The following LSAMP variants were observed in gnomAD, a reference collection of about 807,000 sequenced individuals.
LSAMP encodes limbic system associated membrane protein.
Under a neutral mutation model 38.6 loss-of-function variants are expected in LSAMP, and 7 were observed. The observed-to-expected ratio is 0.18, with a 90% CI of 0.10 to 0.34. The LOEUF (loss-of-function observed/expected upper bound fraction) is 0.34, where lower values mean the gene tolerates loss of function less well. Among genes scored for constraint, LSAMP ranks in the 10% least tolerant of loss-of-function variants. LSAMP has a pLI of 1.00. For synonymous variants in LSAMP, 154 were observed against 166.8 expected (o/e 0.92, Z 0.59); for missense variants, 313 against 420.0 (o/e 0.75, Z 2.23).
intron 6 of LSAMP, among the ~76,000 whole-genome samples, chr3:115,839,228 C>CCCTT (rs1407014317): frequency 1.5e-5 from 2 of 131,274 alleles, no homozygotes; most frequent in African/African-American, 2.7e-5. Flanking sequence ...CTCCCTCCCT[C>CCCTT]CCTTCCTTCT....
chr3:116,202,087 C>T (rs564744952), intron 1 of LSAMP, among the ~76,000 whole-genome samples: 2 of 151,824 alleles, frequency 1.3e-5, no homozygotes, highest in Non-Finnish European at 2.9e-5. Context: ...CCCACCAGTC[C>T]ACACTCTTCT....
intron 1 of LSAMP, among the ~76,000 whole-genome samples, chr3:116,225,399 C>A (rs1322774528): frequency 1.3e-5 from 2 of 152,142 alleles, no homozygotes; most frequent in African/African-American, 2.4e-5. Context: ...TCCTCTAGAG[C>A]CGTCAGAGGG....
At chr3:116,065,930 G>A (rs990641132) in intron 2 of LSAMP, among the ~76,000 whole-genome samples, 2 of 152,088 alleles carry the variant, frequency 1.3e-5, no homozygotes, top group African/African-American at 4.8e-5. Flanking sequence ...CTATACTAGG[G>A]ATGATAATAT....
chr3:116,024,765 T>C (rs958921054), intron 2 of LSAMP, among the ~76,000 whole-genome samples: 2 of 151,480 alleles, frequency 1.3e-5, no homozygotes, highest in Non-Finnish European at 2.9e-5. Context: ...AAAATCTTTA[T>C]AAAAATTCTG....
intron 3 of LSAMP, among the ~76,000 whole-genome samples, chr3:115,885,343 G>C (rs1430246793): frequency 6.6e-6 from 1 of 151,972 alleles, no homozygotes; most frequent in Non-Finnish European, 1.5e-5. Context: ...AAAAAGGACA[G>C]TTGGAGTGAC....
intron 3 of LSAMP, among the ~76,000 whole-genome samples, chr3:115,941,335 C>T (rs1016080982): frequency 1.3e-5 from 2 of 152,020 alleles, no homozygotes; most frequent in African/African-American, 4.8e-5. Context: ...GGGAATGTAA[C>T]TTGGTATAGC....
intron 1 of LSAMP, among the ~76,000 whole-genome samples, chr3:116,380,723 A>T (rs933176320): frequency 2.6e-5 from 4 of 152,078 alleles, no homozygotes; most frequent in African/African-American, 9.7e-5. Flanking sequence ...TTACAATCTG[A>T]TTCTTATCAA....
chr3:116,269,323 A>T (rs1423950596), intron 1 of LSAMP, among the ~76,000 whole-genome samples: 2 of 152,214 alleles, frequency 1.3e-5, no homozygotes, highest in Non-Finnish European at 1.5e-5. Flanking sequence ...ATTAAATGTT[A>T]AATAAAATAT....
At chr3:116,209,229 A>G (rs977920462) in intron 1 of LSAMP, among the ~76,000 whole-genome samples, 2 of 152,110 alleles carry the variant, frequency 1.3e-5, no homozygotes, top group African/African-American at 2.4e-5. Context: ...GCACTTCCCA[A>G]GTGAGGCAAT....
intron 1 of LSAMP, among the ~76,000 whole-genome samples, chr3:116,357,020 C>G (rs1397282564): frequency 1.3e-5 from 2 of 152,172 alleles, no homozygotes; most frequent in Admixed American, 6.5e-5. Context: ...GTCTCGATCT[C>G]CTGACCTCGT....
intron 6 of LSAMP, among the ~76,000 whole-genome samples, chr3:115,822,354 C>G (rs1459818206): frequency 1.6e-5 from 2 of 125,020 alleles, no homozygotes; most frequent in Admixed American, 2.0e-4. Context: ...TTCTCTCTTT[C>G]TTTCCTTCTT....
chr3:115,961,976 G>C (rs910575325), intron 3 of LSAMP, among the ~76,000 whole-genome samples: 5 of 152,178 alleles, frequency 3.3e-5, no homozygotes, highest in Non-Finnish European at 7.3e-5. Context: ...GGAACTACCT[G>C]TTGTCTAAAA....
chr3:115,841,762 T>G, intron 6 of LSAMP, 83 bp downstream of exon 6: 1 of 1,487,102 alleles, frequency 6.7e-7, no homozygotes, highest in East Asian at 2.3e-5. Flanking sequence ...GAACTTTTAA[T>G]AGCTAAGGGA....
intron 1 of LSAMP, among the ~76,000 whole-genome samples, chr3:116,407,503 A>G (rs141898807): frequency 1.3e-5 from 2 of 152,052 alleles, no homozygotes; most frequent in Admixed American, 6.6e-5. Flanking sequence ...GCAAGATTCT[A>G]TTCTTCATCT....
At chr3:116,438,808 T>C (rs1452154452) in intron 1 of LSAMP, among the ~76,000 whole-genome samples, 1 of 152,204 alleles carries the variant, frequency 6.6e-6, no homozygotes, top group Non-Finnish European at 1.5e-5. Context: ...ATCTGATCCA[T>C]ATTAAATAAA....
At chr3:116,387,284 G>A (rs564565548) in intron 1 of LSAMP, among the ~76,000 whole-genome samples, 2 of 152,176 alleles carry the variant, frequency 1.3e-5, no homozygotes, top group South Asian at 4.2e-4. Flanking sequence ...AAGGTATATG[G>A]ACAGAAAATG....
At chr3:115,985,017 T>C (rs971998928) in intron 3 of LSAMP, among the ~76,000 whole-genome samples, 1 of 152,174 alleles carries the variant, frequency 6.6e-6, no homozygotes, top group Non-Finnish European at 1.5e-5. Flanking sequence ...GTAAAGGGCC[T>C]TGTAAGAAGC....
intron 1 of LSAMP, among the ~76,000 whole-genome samples, chr3:116,165,845 G>A (rs1475961400): frequency 3.9e-5 from 6 of 152,124 alleles, no homozygotes; most frequent in African/African-American, 1.4e-4. Context: ...CTGGTTCCCT[G>A]CATAATTGGC....
At chr3:115,900,447 C>T (rs574518903) in intron 3 of LSAMP, among the ~76,000 whole-genome samples, 4 of 136,564 alleles carry the variant, frequency 2.9e-5, no homozygotes, top group East Asian at 4.6e-4. Context: ...ACCCAGGAGG[C>T]GGAGGTTGCA....
Sources: allele counts gnomAD v4.1 joint callset (sites outside exome capture counted in the v4.1 genomes callset), GRCh38; gene constraint gnomAD v4.1.1; transcripts MANE v1.5; gene names NCBI Gene and HGNC (gene_info 2026-07-23, HGNC 2026-07-21).